The following IL5RA variants were observed in gnomAD, a reference collection of about 807,000 sequenced individuals.
IL5RA encodes the protein interleukin-5 receptor subunit alpha.
A neutral mutation model predicts 50.0 loss-of-function variants in IL5RA; 49 were observed. That is an observed-to-expected ratio of 0.98 (90% CI 0.78 to 1.24). IL5RA has a LOEUF of 1.24. Among genes scored for constraint, IL5RA ranks in the 50% most tolerant of loss-of-function variants. The pLI, the probability that IL5RA is intolerant of heterozygous loss-of-function variation, is 0.00. For missense variants in IL5RA, 600 were observed against 500.4 expected (o/e 1.20, Z -1.90); for synonymous variants, 202 against 174.0 (o/e 1.16, Z -1.26).
intron 9 of IL5RA, among the ~76,000 whole-genome samples, chr3:3,079,250 A>G (rs2125957373): frequency 6.6e-6 from 1 of 152,234 alleles, no homozygotes; most frequent in African/African-American, 2.4e-5. Flanking sequence ...CCAGGCCTGG[A>G]TCTTAAACTG....
At chr3:3,109,349 G>A (rs1704075848) in intron 1 of IL5RA, among the ~76,000 whole-genome samples, 1 of 152,126 alleles carries the variant, frequency 6.6e-6, no homozygotes, top group African/African-American at 2.4e-5. Flanking sequence ...GTTAGATAAA[G>A]TGCCTCTCTC....
chr3:3,092,090 A>G lies in IL5RA; in HGVS notation c.994+134T>C. The G allele has an allele frequency of 6.9e-7, 1 of 1,443,188 alleles. No individual in the cohort carries two copies. The highest frequency in any genetic ancestry group is 9.1e-7 in the Non-Finnish European group (1 of 1,103,724). The allele number at this position is 1,443,188 out of a possible 1,614,324, so 89.4% of individuals were successfully genotyped here. A position where few individuals can be genotyped will look rare whatever the true frequency, so the allele number is the denominator to read the frequency against. On this transcript the variant is annotated intron_variant, in intron 9 of 11. Coordinates refer to ENST00000446632, the MANE Select transcript of IL5RA (RefSeq NM_175726.4). This position sits in a 1 kb window ranked among gnomAD's most constrained non-coding sequence, Gnocchi z 4.2. The stretch of plus-strand genomic sequence containing the variant: ...ATCTATTCCTGATTGAAAAGGCAGT[A>G]GACCGAGAGAAAATTAGTCACAATA...
chr3:3,101,214 A>C (rs987165961), intron 5 of IL5RA, among the ~76,000 whole-genome samples: 3 of 150,936 alleles, frequency 2.0e-5, no homozygotes, highest in Non-Finnish European at 4.4e-5. Flanking sequence ...GAAGATCTTT[A>C]TGTTTCTGTT....
rs934065315 is a variant in IL5RA at position 3,067,120 on chromosome 3, C to T, written c.*3105G>A. The T allele has an allele frequency of 1.3e-5, 2 of 152,198 alleles. No homozygotes were observed. Among genetic ancestry groups the T allele is most frequent in the African/African-American group, 4.8e-5 (2 of 41,438 alleles). The allele number at this position is 152,198 out of a possible 1,614,324, so 9.4% of individuals were successfully genotyped here. ...CTTGCTATGACAAGGCTGGTGAGAACAGTATAGACCACTCACAGTGAGCCA... is the reference window on the plus strand; with the variant it reads ...CTTGCTATGACAAGGCTGGTGAGAATAGTATAGACCACTCACAGTGAGCCA... On this transcript the variant is annotated 3_prime_UTR_variant, in exon 12 of 12. Coordinates refer to ENST00000446632, the MANE Select transcript of IL5RA (RefSeq NM_175726.4).
intron 1 of IL5RA, among the ~76,000 whole-genome samples, 185 bp from the exon 2 acceptor site, chr3:3,108,876 G>T (rs1324375325): frequency 6.6e-6 from 1 of 152,180 alleles, no homozygotes; most frequent in Non-Finnish European, 1.5e-5. Flanking sequence ...CAAATGAGGT[G>T]ATTTAACTTC....
At chr3:3,090,339 G>A in intron 9 of IL5RA, 1 of 981,754 alleles carries the variant, frequency 1.0e-6, no homozygotes, top group Non-Finnish European at 1.6e-6. Flanking sequence ...GGCTTTCTAT[G>A]TAAGGCTCCA....
intron 5 of IL5RA, among the ~76,000 whole-genome samples, chr3:3,100,967 C>G (rs1239001757): frequency 3.4e-5 from 5 of 148,456 alleles, no homozygotes; most frequent in Non-Finnish European, 7.4e-5. Flanking sequence ...GCCAACATGG[C>G]AAAACCCCAT....
intron 9 of IL5RA, among the ~76,000 whole-genome samples, chr3:3,089,052 T>C (rs577302506): frequency 6.6e-5 from 10 of 152,134 alleles, no homozygotes; most frequent in African/African-American, 2.4e-4. Context: ...CTGTGTGTGC[T>C]GGGTCAGTTT....
intron 4 of IL5RA, 93 bp from the exon 5 acceptor site, chr3:3,101,923 A>T: frequency 8.9e-7 from 1 of 1,123,100 alleles, no homozygotes; most frequent in Non-Finnish European, 1.3e-6. Context: ...CTACTTTTTA[A>T]ATGATTAGTA....
At chr3:3,096,289 A>AAG (rs1553752104) in intron 7 of IL5RA, among the ~76,000 whole-genome samples, 159 of 141,298 alleles carry the variant, frequency 1.1e-3, no homozygotes, top group African/African-American at 1.7e-3. Flanking sequence ...AAAAAAAAAA[A>AAG]AAGAAGAAGA....
chr3:3,079,829 T>C (rs1368186620), intron 9 of IL5RA, among the ~76,000 whole-genome samples: 2 of 152,144 alleles, frequency 1.3e-5, no homozygotes, highest in Admixed American at 6.5e-5. Flanking sequence ...AGGTCAGGCG[T>C]TTGAGACCAG....
At chr3:3,086,357 A>T (rs1702862275) in intron 9 of IL5RA, among the ~76,000 whole-genome samples, 2 of 152,254 alleles carry the variant, frequency 1.3e-5, no homozygotes, top group African/African-American at 4.8e-5. Flanking sequence ...GACCAGGGTC[A>T]GGAAACAAAA....
intron 5 of IL5RA, among the ~76,000 whole-genome samples, chr3:3,101,374 C>T (rs1703645897): frequency 6.6e-6 from 1 of 152,136 alleles, no homozygotes; most frequent in African/African-American, 2.4e-5. Flanking sequence ...CCTGCTTCTC[C>T]TCTTTTCTCT....
At chr3:3,075,847 G>GC (rs1702461686) in intron 10 of IL5RA, among the ~76,000 whole-genome samples, 1 of 152,048 alleles carries the variant, frequency 6.6e-6, no homozygotes, top group East Asian at 1.9e-4. Context: ...TGGTCCACCC[G>GC]CTGTGGCCTC....
At chr3:3,104,196 C>T (rs1212490604) in intron 3 of IL5RA, among the ~76,000 whole-genome samples, 1 of 152,180 alleles carries the variant, frequency 6.6e-6, no homozygotes, top group Non-Finnish European at 1.5e-5. Context: ...TGTGCCACCA[C>T]ACCTGGCTAT....
At chr3:3,100,675 G>A (rs897638701) in intron 5 of IL5RA, among the ~76,000 whole-genome samples, 1 of 152,160 alleles carries the variant, frequency 6.6e-6, no homozygotes, top group African/African-American at 2.4e-5. Flanking sequence ...AGAAATGTAA[G>A]CTGCAAAGTG....
chr3:3,087,244 A>T (rs1274257008), intron 9 of IL5RA, among the ~76,000 whole-genome samples: 1 of 152,192 alleles, frequency 6.6e-6, no homozygotes, highest in East Asian at 1.9e-4. Context: ...AATTTAAAAA[A>T]TTCCATGCTC....
At position 3,101,745 on chromosome 3, in the gene IL5RA, T is replaced by A; in HGVS notation, c.314A>T (p.Asp105Val). 6.2e-7 allele frequency: 1 copy of A among 1,614,172 alleles called. No homozygotes were observed. Among genetic ancestry groups the A allele is most frequent in the Non-Finnish European group, 8.5e-7 (1 of 1,180,006 alleles). ...CCAGCTGCTGGCCAGTAGTGAGTGGTCGTTCTGCAGGATGGTCCGCACACT... is the reference window on the plus strand; with the variant it reads ...CCAGCTGCTGGCCAGTAGTGAGTGGACGTTCTGCAGGATGGTCCGCACACT... ...SASVRTILQN[D>V]HSLLASSWAS... Residue 105 changes from aspartate (D) to valine (V), a missense_variant, in exon 5 of 12, where the codon GAC becomes GTC. Asp to Val is a radical substitution (Grantham distance 152). Transcript: ENST00000446632.
intron 5 of IL5RA, among the ~76,000 whole-genome samples, chr3:3,098,545 T>C (rs1034500278): frequency 4.6e-5 from 7 of 152,090 alleles, no homozygotes; most frequent in Non-Finnish European, 7.3e-5. Flanking sequence ...GTAGCTGAGA[T>C]GACAGGTGTG....
Sources: gnomAD v4.1 joint callset for allele counts (sites outside exome capture counted in the v4.1 genomes callset) on GRCh38, gnomAD v4.1.1 for gene constraint, Gnocchi (gnomAD v3.1) non-coding constraint, MANE v1.5 for transcripts, NCBI Gene and HGNC (gene_info 2026-07-23, HGNC 2026-07-21) for gene names.